The following EVI5 variants were observed in gnomAD, a reference collection of about 807,000 sequenced individuals.
The protein encoded by EVI5 is ecotropic viral integration site 5 protein homolog.
In EVI5, 73 loss-of-function variants were observed where a neutral mutation model predicts 112.0. That is an observed-to-expected ratio of 0.65 (90% CI 0.54 to 0.79). The LOEUF (loss-of-function observed/expected upper bound fraction) is 0.79. Among genes scored for constraint, EVI5 ranks in the 30% least tolerant of loss-of-function variants. The pLI, the probability that EVI5 is intolerant of heterozygous loss-of-function variation, is 0.00. For synonymous variants in EVI5, 305 were observed against 319.9 expected, an observed-to-expected ratio of 0.95 and a Z score of 0.50; for missense variants, 900 against 968.8, an observed-to-expected ratio of 0.93 and a Z score of 0.94.
intron 9 of EVI5, among the ~76,000 whole-genome samples, chr1:92,679,832 G>C (rs938618507): frequency 1.3e-5 from 2 of 152,160 alleles, no homozygotes; most frequent in African/African-American, 4.8e-5. Flanking sequence ...GATTATACTG[G>C]GGTTATTGGG....
At chr1:92,562,062 T>C (rs1185096986) in intron 19 of EVI5, among the ~76,000 whole-genome samples, 1 of 152,200 alleles carries the variant, frequency 6.6e-6, no homozygotes, top group African/African-American at 2.4e-5. Flanking sequence ...ACATTAAAGC[T>C]TCCTTATAAT....
intron 9 of EVI5, among the ~76,000 whole-genome samples, chr1:92,688,977 A>G (rs907995313): frequency 1.3e-5 from 2 of 152,192 alleles, no homozygotes; most frequent in Non-Finnish European, 2.9e-5. Context: ...TACAACCCAG[A>G]TCATAAACAA....
chr1:92,571,248 A>G (rs950052312), intron 18 of EVI5, among the ~76,000 whole-genome samples: 1 of 148,124 alleles, frequency 6.8e-6, no homozygotes, highest in Non-Finnish European at 1.5e-5. Flanking sequence ...GAGGAAAGAG[A>G]AAGGGTGATT....
intron 5 of EVI5, among the ~76,000 whole-genome samples, chr1:92,701,689 CACTATTT>C (rs1671175347): frequency 6.6e-6 from 1 of 151,864 alleles, no homozygotes; most frequent in Non-Finnish European, 1.5e-5. Context: ...GGCTGAGTAC[CACTATTT>C]TAGGGCATGC....
At chr1:92,619,047 T>C (rs892418972) in intron 16 of EVI5, among the ~76,000 whole-genome samples, 8 of 152,162 alleles carry the variant, frequency 5.3e-5, no homozygotes, top group African/African-American at 1.7e-4. Flanking sequence ...GAGATGTGCA[T>C]AGGTTCAAGT....
chr1:92,677,594 C>A (rs983326567), intron 9 of EVI5, among the ~76,000 whole-genome samples: 1 of 152,088 alleles, frequency 6.6e-6, no homozygotes, highest in East Asian at 1.9e-4. Context: ...CTGGTACCAA[C>A]ATTGACTTTG....
At chr1:92,691,804 T>C (rs1669548965) in intron 9 of EVI5, among the ~76,000 whole-genome samples, 1 of 152,102 alleles carries the variant, frequency 6.6e-6, no homozygotes, top group Non-Finnish European at 1.5e-5. Flanking sequence ...CATAGCTAAG[T>C]CTACAAGCTG....
Position 92,579,944 on chromosome 1 carries a change from A to G in EVI5, c.2071-16207T>C, listed in dbSNP as rs370085013. Among the ~76,000 whole-genome samples the G allele has an allele frequency of 2.8e-4, 42 of 152,352 alleles. 1 individual carries two copies. The South Asian group carries it at 8.5e-3, about 31-fold the overall frequency. On this transcript the variant is annotated intron_variant, in intron 18 of 19. Coordinates refer to ENST00000684568, the MANE Select transcript of EVI5 (RefSeq NM_001350197.2). The stretch of plus-strand genomic sequence containing the variant: ...TACTGAATCTTCAAGCTTCTCTTTA[A>G]CCTTTCATTGTGAATAAACAATGAC...
intron 1 of EVI5, among the ~76,000 whole-genome samples, chr1:92,750,741 G>C (rs755804162): frequency 6.6e-6 from 1 of 151,934 alleles, no homozygotes; most frequent in Non-Finnish European, 1.5e-5. Flanking sequence ...TATTTTATCT[G>C]TTGACTTCTT....
intron 14 of EVI5, among the ~76,000 whole-genome samples, chr1:92,626,535 T>G (rs1354073978): frequency 6.6e-6 from 1 of 152,212 alleles, no homozygotes; most frequent in Non-Finnish European, 1.5e-5. Flanking sequence ...TCTTAAGATA[T>G]ACTTAGGAGT....
chr1:92,662,679 G>C, intron 13 of EVI5, 40 bp downstream of exon 13: 1 of 1,128,724 alleles, frequency 8.9e-7, no homozygotes, highest in Non-Finnish European at 1.1e-6. Context: ...GAAAGGAAGG[G>C]GGATGAGAAA....
intron 18 of EVI5, among the ~76,000 whole-genome samples, chr1:92,594,611 C>T (rs1647227644): frequency 2.0e-5 from 3 of 151,558 alleles, no homozygotes; most frequent in African/African-American, 7.3e-5. Context: ...AAAGAAACTA[C>T]CATCAGAGTG....
At chr1:92,707,704 A>T (rs1195104087) in intron 2 of EVI5, among the ~76,000 whole-genome samples, 2 of 152,236 alleles carry the variant, frequency 1.3e-5, no homozygotes, top group African/African-American at 4.8e-5. Flanking sequence ...AAATAGTATA[A>T]CACATTTGAG....
intron 2 of EVI5, among the ~76,000 whole-genome samples, chr1:92,707,100 A>T (rs1672105813): frequency 6.7e-6 from 1 of 148,646 alleles, no homozygotes; most frequent in African/African-American, 2.5e-5. Context: ...AATTGCTTGA[A>T]CCTGGGAGGC....
At chr1:92,559,773 CAA>C (rs34723950) in intron 19 of EVI5, among the ~76,000 whole-genome samples, 2 of 47,500 alleles carry the variant, frequency 4.2e-5, no homozygotes, top group African/African-American at 8.4e-5. Flanking sequence ...GACTCCCTCT[CAA>C]AAAAAAAAAA....
Position 92,513,484 on chromosome 1 carries a change from A to T in EVI5, c.*172T>A. 1 of 217,696 alleles carries T rather than the reference A, an allele frequency of 4.6e-6. No homozygotes were observed. Among genetic ancestry groups the T allele is most frequent in the Non-Finnish European group, 8.9e-6 (1 of 112,994 alleles). 13.5% of individuals were successfully genotyped at this position (217,696 alleles called of 1,614,324 possible). ...TAAATCAGTGGTAAAGATTTGGCAA[A>T]GATAAAAAGGCAGATAAGACTGTAA... On this transcript the variant is annotated 3_prime_UTR_variant, in exon 20 of 20. Coordinates refer to ENST00000684568, the MANE Select transcript of EVI5 (RefSeq NM_001350197.2).
chr1:92,784,410 T>A (rs1306136977), intron 1 of EVI5: 1 of 985,164 alleles, frequency 1.0e-6, no homozygotes, highest in Non-Finnish European at 1.2e-6. Context: ...GGAGGCCAAG[T>A]AAAGACGCCA....
At chr1:92,583,442 C>T (rs572968477) in intron 18 of EVI5, among the ~76,000 whole-genome samples, 188 of 127,668 alleles carry the variant, frequency 1.5e-3, no homozygotes, top group African/African-American at 5.3e-3. Context: ...ACCTGGGAGG[C>T]GGAGGTTGCG....
chr1:92,594,195 A>G (rs1217019314), intron 18 of EVI5, among the ~76,000 whole-genome samples: 2 of 152,222 alleles, frequency 1.3e-5, no homozygotes, highest in Non-Finnish European at 2.9e-5. Flanking sequence ...CCAAAACAGC[A>G]TGGTACTGGT....
Sources: gnomAD v4.1 joint callset for allele counts (sites outside exome capture counted in the v4.1 genomes callset) on GRCh38, gnomAD v4.1.1 for gene constraint, MANE v1.5 for transcripts, NCBI Gene and HGNC (gene_info 2026-07-23, HGNC 2026-07-21) for gene names.